MKLN1: variants seen among roughly 807,000 people sequenced by gnomAD.
The protein encoded by MKLN1 is muskelin.
In MKLN1, 18 loss-of-function variants were observed where a neutral mutation model predicts 99.0. The ratio of observed to expected loss-of-function variants is 0.18; its 90% CI spans 0.13 to 0.27. The LOEUF (loss-of-function observed/expected upper bound fraction) is 0.27, where lower values mean the gene tolerates loss of function less well. Ranked by LOEUF, MKLN1 falls within the 10% of genes least tolerant of loss-of-function variation. The probability of loss-of-function intolerance (pLI) is 1.00; values close to 1 mark genes in which losing one functional copy is unlikely to be tolerated. For missense variants in MKLN1, 621 were observed against 875.9 expected, an observed-to-expected ratio of 0.71 and a Z score of 3.67; for synonymous variants, 288 against 293.2, an observed-to-expected ratio of 0.98 and a Z score of 0.18.
intron 1 of MKLN1, among the ~76,000 whole-genome samples, chr7:131,348,795 A>C (rs1342212247): frequency 2.0e-5 from 3 of 152,328 alleles, no homozygotes; most frequent in South Asian, 2.1e-4. Context: ...GATGCAAAGG[A>C]AAACATGAAA....
chr7:131,386,813 T>C (rs757364596), intron 2 of MKLN1, among the ~76,000 whole-genome samples: 23 of 152,238 alleles, frequency 1.5e-4, no homozygotes, highest in Non-Finnish European at 2.9e-4. Flanking sequence ...TTGCATAGTT[T>C]GGTTATATCT....
chr7:131,329,608 CG>C (rs1799009362), intron 1 of MKLN1, among the ~76,000 whole-genome samples: 1 of 152,140 alleles, frequency 6.6e-6, no homozygotes. Flanking sequence ...CTTGAATTAG[CG>C]TATTTCCAGG....
At chr7:131,141,981 T>G (rs756370634) in intron 1 of MKLN1, among the ~76,000 whole-genome samples, 1 of 152,166 alleles carries the variant, frequency 6.6e-6, no homozygotes, top group African/African-American at 2.4e-5. Context: ...TGTGAAAATA[T>G]AAATTAAATT....
intron 1 of MKLN1, among the ~76,000 whole-genome samples, chr7:131,142,161 A>G (rs1298503555): frequency 6.6e-6 from 1 of 151,802 alleles, no homozygotes; most frequent in African/African-American, 2.4e-5. Context: ...TAATCCCAAC[A>G]CTGGGAGGTC....
At chr7:131,158,719 A>G (rs1285820660) in intron 2 of MKLN1, among the ~76,000 whole-genome samples, 2 of 152,192 alleles carry the variant, frequency 1.3e-5, no homozygotes, top group East Asian at 3.8e-4. Context: ...GACTGAGCAC[A>G]TGGTAGAATA....
chr7:131,135,691 A>G (rs977570619), intron 1 of MKLN1, among the ~76,000 whole-genome samples: 1 of 152,048 alleles, frequency 6.6e-6, no homozygotes, highest in African/African-American at 2.4e-5. Context: ...TAAGATGAAG[A>G]CTGTGAATTT....
At chr7:131,346,643 A>G (rs998865527) in intron 1 of MKLN1, among the ~76,000 whole-genome samples, 1 of 152,228 alleles carries the variant, frequency 6.6e-6, no homozygotes, top group South Asian at 2.1e-4. Context: ...TAGATTTTCA[A>G]AATTAATTTA....
At chr7:131,377,767 G>C (rs1369800371) in intron 2 of MKLN1, among the ~76,000 whole-genome samples, 1 of 152,076 alleles carries the variant, frequency 6.6e-6, no homozygotes. Context: ...CCAAACTTTA[G>C]GTATTTGAAT....
intron 2 of MKLN1, among the ~76,000 whole-genome samples, chr7:131,189,895 G>A (rs1440453087): frequency 8.2e-6 from 1 of 122,684 alleles, no homozygotes; most frequent in Non-Finnish European, 1.8e-5. Context: ...TGGTTTATAG[G>A]AGGGCTGGGG....
intron 2 of MKLN1, among the ~76,000 whole-genome samples, chr7:131,199,694 T>C (rs1791365044): frequency 6.6e-6 from 1 of 152,192 alleles, no homozygotes; most frequent in African/African-American, 2.4e-5. Flanking sequence ...CCTGAGTCTT[T>C]TAATTTTTTA....
chr7:131,345,929 A>G (rs566563333), intron 1 of MKLN1, among the ~76,000 whole-genome samples: 109 of 152,362 alleles, frequency 7.2e-4, no homozygotes, highest in South Asian at 1.4e-3. Flanking sequence ...TGATAATAAC[A>G]TCCAGAAGAA....
At chr7:131,419,268 T>TTG (rs1795121627) in intron 8 of MKLN1, among the ~76,000 whole-genome samples, 3 of 145,926 alleles carry the variant, frequency 2.1e-5, no homozygotes, top group Non-Finnish European at 4.5e-5. Context: ...TTTTTTTTTT[T>TTG]GAGACAGAGT....
At chr7:131,147,274 T>A (rs796582889) in intron 2 of MKLN1, among the ~76,000 whole-genome samples, 81 of 151,130 alleles carry the variant, frequency 5.4e-4, no homozygotes, top group Middle Eastern at 3.4e-3. Flanking sequence ...GTCATGCTAG[T>A]CTTGAACTCC....
chr7:131,254,652 A>G (rs1290933419), intron 3 of MKLN1, among the ~76,000 whole-genome samples: 1 of 149,032 alleles, frequency 6.7e-6, no homozygotes, highest in Non-Finnish European at 1.5e-5. Flanking sequence ...GTACAAAACT[A>G]AAGAGAAAAA....
chr7:131,225,655 T>C (rs762819294), intron 3 of MKLN1, among the ~76,000 whole-genome samples: 18 of 152,214 alleles, frequency 1.2e-4, no homozygotes, highest in Non-Finnish European at 2.4e-4. Flanking sequence ...GTTCCATTTA[T>C]TGGCAACTGG....
At chr7:131,330,205 C>T (rs538057616) in intron 1 of MKLN1, among the ~76,000 whole-genome samples, 1 of 152,242 alleles carries the variant, frequency 6.6e-6, no homozygotes, top group East Asian at 1.9e-4. Context: ...CCCTAAAATC[C>T]CCTCTAGCAG....
intron 2 of MKLN1, among the ~76,000 whole-genome samples, chr7:131,146,389 CT>C (rs1406474806): frequency 6.6e-6 from 1 of 152,156 alleles, no homozygotes; most frequent in African/African-American, 2.4e-5. Flanking sequence ...ACTTTCACTT[CT>C]AGAAAGCCGT....
At chr7:131,157,827 C>A (rs1278947981) in intron 2 of MKLN1, among the ~76,000 whole-genome samples, 1 of 152,122 alleles carries the variant, frequency 6.6e-6, no homozygotes, top group Non-Finnish European at 1.5e-5. Context: ...AGTTTTACCC[C>A]AAATTAGTTG....
intron 1 of MKLN1, among the ~76,000 whole-genome samples, chr7:131,333,833 GA>G (rs1253500193): frequency 6.6e-6 from 1 of 152,028 alleles, no homozygotes; most frequent in Non-Finnish European, 1.5e-5. Flanking sequence ...ACCCAGCCTG[GA>G]AAAAAATTTT....
Sources: allele counts gnomAD v4.1 joint callset (sites outside exome capture counted in the v4.1 genomes callset), GRCh38; gene constraint gnomAD v4.1.1; transcripts MANE v1.5; gene names NCBI Gene and HGNC (gene_info 2026-07-23, HGNC 2026-07-21).